The following PLA2R1 variants were observed in gnomAD, a reference collection of about 807,000 sequenced individuals.
The protein encoded by PLA2R1 is phospholipase A2 receptor 1.
A neutral mutation model predicts 195.9 loss-of-function variants in PLA2R1; 158 were observed. That is an observed-to-expected ratio of 0.81 (90% confidence interval 0.71 to 0.92). The LOEUF (loss-of-function observed/expected upper bound fraction) is 0.92. PLA2R1 is among the 40% of genes least tolerant of loss of function. The pLI, the probability that PLA2R1 is intolerant of heterozygous loss-of-function variation, is 0.00. For synonymous variants in PLA2R1, 586 were observed against 598.2 expected (o/e 0.98, Z 0.30); for missense variants, 1,626 against 1,764.6 (o/e 0.92, Z 1.41).
intron 1 of PLA2R1, among the ~76,000 whole-genome samples, chr2:160,049,843 A>G (rs1695111590): frequency 6.6e-6 from 1 of 152,156 alleles, no homozygotes; most frequent in African/African-American, 2.4e-5. Context: ...ACAAACAAAA[A>G]ACAACAAATA....
At chr2:159,977,675 T>C (rs528082877) in intron 14 of PLA2R1, among the ~76,000 whole-genome samples, 5 of 152,258 alleles carry the variant, frequency 3.3e-5, no homozygotes, top group East Asian at 1.9e-4. Flanking sequence ...CGGTGGCTCA[T>C]GCCTGTAATC....
Position 159,956,581 on chromosome 2 carries a change from C to T in PLA2R1, c.2951G>A (p.Trp984Ter), listed in dbSNP as rs759174860. ...IPKDPSSWKN[W>*]THAQHFCAEE... is the part of the protein sequence containing the mutation. ...AGCACAGAAATGTTGAGCATGCGTCCAGTTCTTCCAACTGCTTGGGTCTTT... is the reference window on the plus strand; with the variant it reads ...AGCACAGAAATGTTGAGCATGCGTCTAGTTCTTCCAACTGCTTGGGTCTTT... Residue 984 changes from tryptophan (W) to a stop codon, truncating the protein, a stop_gained, in exon 21 of 30, where the codon TGG becomes TAG. Coordinates refer to ENST00000283243, the MANE Select transcript of PLA2R1 (RefSeq NM_007366.5). LOFTEE classifies it high-confidence loss of function. The T allele has an allele frequency of 2.5e-6, 4 of 1,613,772 alleles. No individual in the cohort carries two copies. The highest frequency in any genetic ancestry group is 3.4e-6 in the Non-Finnish European group (4 of 1,179,702).
At chr2:160,052,496 C>T (rs183630765) in intron 1 of PLA2R1, among the ~76,000 whole-genome samples, 45 of 152,328 alleles carry the variant, frequency 3.0e-4, no homozygotes, top group Non-Finnish European at 5.4e-4. Context: ...AGCTTTTAGT[C>T]TATTCTCCCA....
In PLA2R1 at chr2:159,934,168, A is replaced by G. The variant is rs1040973910; in HGVS notation, c.*7610T>C. The G allele has an allele frequency of 6.6e-6, 1 of 152,206 alleles. No homozygotes were observed. Among genetic ancestry groups the G allele is most frequent in the Non-Finnish European group, 1.5e-5 (1 of 68,034 alleles). 9.4% of individuals were successfully genotyped at this position (152,206 alleles called of 1,614,324 possible). On this transcript the variant is annotated 3_prime_UTR_variant, in exon 30 of 30. Coordinates refer to ENST00000283243, the MANE Select transcript of PLA2R1 (RefSeq NM_007366.5). ...ACATGCCATTTTGGAAATGTCTCCA[A>G]ATTTTTCTTCTCCAAGAACAAAATG...
intron 11 of PLA2R1, among the ~76,000 whole-genome samples, chr2:159,997,507 T>A (rs192862844): frequency 1.7e-3 from 266 of 152,224 alleles, no homozygotes; most frequent in Non-Finnish European, 3.4e-3. Flanking sequence ...CCTCTCCCTC[T>A]GCTGGAAGCA....
intron 6 of PLA2R1, among the ~76,000 whole-genome samples, chr2:160,025,272 G>C (rs904320137): frequency 2.6e-5 from 4 of 152,072 alleles, no homozygotes; most frequent in Non-Finnish European, 4.4e-5. Context: ...TGAGGTGGGA[G>C]GATGACTTGA....
At chr2:159,931,002 G>T (rs1156478491), downstream of PLA2R1, among the ~76,000 whole-genome samples, 1 of 152,154 alleles carries the variant, frequency 6.6e-6, no homozygotes, top group Non-Finnish European at 1.5e-5. Context: ...CCAGAGTTCA[G>T]TTCTGAGGGA....
chr2:159,956,738 G>A (rs3749113), intron 20 of PLA2R1, 111 bp from the exon 21 acceptor site: 156,694 of 673,542 alleles, frequency 0.23, 19,934 homozygotes, highest in Admixed American at 0.41. Context: ...AATTTTCTTG[G>A]GCAGAAAGAA....
chr2:160,038,590 A>C (rs543256988), intron 3 of PLA2R1, among the ~76,000 whole-genome samples: 1 of 152,340 alleles, frequency 6.6e-6, no homozygotes, highest in South Asian at 2.1e-4. Context: ...AGGTAGGCTT[A>C]AAGGTGAGAG....
intron 21 of PLA2R1, among the ~76,000 whole-genome samples, 178 bp from the exon 22 acceptor site, chr2:159,956,006 T>C (rs541798667): frequency 6.6e-6 from 1 of 152,248 alleles, no homozygotes; most frequent in African/African-American, 2.4e-5. Context: ...ACTTTTGTTT[T>C]AGTTTAAATT....
intron 7 of PLA2R1, 39 bp downstream of exon 7, chr2:160,022,626 T>C (rs774696521): frequency 8.0e-7 from 1 of 1,251,770 alleles, no homozygotes; most frequent in Admixed American, 2.3e-5. Context: ...TACTACATTA[T>C]ATTTTATGCC....
intron 6 of PLA2R1, among the ~76,000 whole-genome samples, chr2:160,024,269 C>T (rs892749591): frequency 1.8e-4 from 28 of 152,166 alleles, no homozygotes; most frequent in African/African-American, 5.6e-4. Context: ...ACTTCTACCT[C>T]GTGGCCCACC....
intron 10 of PLA2R1, among the ~76,000 whole-genome samples, chr2:160,007,146 T>C (rs1199865315): frequency 6.6e-6 from 1 of 152,210 alleles, no homozygotes; most frequent in Non-Finnish European, 1.5e-5. Flanking sequence ...CTTATATAAA[T>C]GTGCTTCAAA....
intron 11 of PLA2R1, among the ~76,000 whole-genome samples, chr2:159,990,615 CCTT>C (rs374337730): frequency 2.6e-5 from 4 of 152,218 alleles, no homozygotes; most frequent in South Asian, 2.1e-4. Flanking sequence ...CTCTCTCTCT[CCTT>C]CTTCTCTCCT....
intron 4 of PLA2R1, among the ~76,000 whole-genome samples, chr2:160,030,690 A>T (rs899942582): frequency 1.3e-5 from 2 of 152,212 alleles, no homozygotes; most frequent in African/African-American, 4.8e-5. Flanking sequence ...ATTTCTCGGC[A>T]TTCATGACAG....
At chr2:159,994,765 A>G (rs1356575643) in intron 11 of PLA2R1, among the ~76,000 whole-genome samples, 5 of 152,044 alleles carry the variant, frequency 3.3e-5, no homozygotes, top group Admixed American at 6.6e-5. Context: ...TGGTAATACT[A>G]TTTGATAAAC....
chr2:159,979,967 ATG>A, intron 13 of PLA2R1, 53 bp from the exon 14 acceptor site: 1 of 1,067,370 alleles, frequency 9.4e-7, no homozygotes, highest in Non-Finnish European at 1.4e-6. Context: ...TTACAGCATT[ATG>A]TGAAAGGTTC....
chr2:160,056,867 C>T (rs1695585523), intron 1 of PLA2R1, among the ~76,000 whole-genome samples: 1 of 152,188 alleles, frequency 6.6e-6, no homozygotes, highest in South Asian at 2.1e-4. Context: ...CAGACTTTTT[C>T]CAGAAGCAGG....
intron 7 of PLA2R1, among the ~76,000 whole-genome samples, chr2:160,020,548 T>G (rs1334620257): frequency 6.6e-6 from 1 of 152,184 alleles, no homozygotes; most frequent in African/African-American, 2.4e-5. Context: ...ATGAAGGCTC[T>G]GCCCTGATGA....
Sources: allele counts gnomAD v4.1 joint callset (sites outside exome capture counted in the v4.1 genomes callset), GRCh38; gene constraint gnomAD v4.1.1; transcripts MANE v1.5; gene names NCBI Gene and HGNC (gene_info 2026-07-23, HGNC 2026-07-21).